The following CPAMD8 variants were observed in gnomAD, a reference collection of about 807,000 sequenced individuals.
The protein encoded by CPAMD8 is C3 and PZP-like alpha-2-macroglobulin domain-containing protein 8.
CPAMD8 carries 146 observed loss-of-function variants against 224.7 expected under a neutral mutation model. That is an observed-to-expected ratio of 0.65 (90% CI 0.57 to 0.75). The LOEUF is 0.75. Among genes scored for constraint, CPAMD8 ranks in the 30% least tolerant of loss-of-function variants. The probability of loss-of-function intolerance (pLI) is 0.00; values close to 1 mark genes in which losing one functional copy is unlikely to be tolerated. For synonymous variants in CPAMD8, 966 were observed against 1,044.6 expected (o/e 0.92, Z 1.45); for missense variants, 2,301 against 2,537.5 (o/e 0.91, Z 2.00).
At chr19:16,926,304 C>A (rs950761389) in intron 25 of CPAMD8, among the ~76,000 whole-genome samples, 1 of 150,448 alleles carries the variant, frequency 6.6e-6, no homozygotes, top group Non-Finnish European at 1.5e-5. Flanking sequence ...TTCTTTCCTT[C>A]TTTATTTTAT....
chr19:17,026,420 A>C, intron 1 of CPAMD8, 131 bp downstream of exon 1: 1 of 1,032,254 alleles, frequency 9.7e-7, no homozygotes, highest in Non-Finnish European at 1.3e-6. Context: ...CGATTCGGGA[A>C]CAAGAGGCCA....
chr19:16,943,104 C>T (rs1263652822), intron 22 of CPAMD8, among the ~76,000 whole-genome samples: 1 of 151,150 alleles, frequency 6.6e-6, no homozygotes, highest in East Asian at 1.9e-4. Flanking sequence ...TAACTCTCAC[C>T]TCCTGGACTC....
At chr19:16,913,110 G>A (rs2052791196) in intron 29 of CPAMD8, among the ~76,000 whole-genome samples, 1 of 152,074 alleles carries the variant, frequency 6.6e-6, no homozygotes, top group South Asian at 2.1e-4. Context: ...CATCCTGGGT[G>A]CTGTCCATTC....
intron 22 of CPAMD8, among the ~76,000 whole-genome samples, chr19:16,942,606 A>G (rs1438495783): frequency 1.3e-5 from 2 of 152,336 alleles, no homozygotes; most frequent in African/African-American, 4.8e-5. Flanking sequence ...GCACAAATCC[A>G]GGGGCCCCTC....
chr19:16,932,237 T>C (rs2053566757), intron 23 of CPAMD8, among the ~76,000 whole-genome samples: 1 of 151,848 alleles, frequency 6.6e-6, no homozygotes, highest in African/African-American at 2.4e-5. Flanking sequence ...CTGGGCAACA[T>C]GGCGAAACCC....
rs780349549 is a variant in CPAMD8, at chr19:16,980,653, T to C, written c.1429A>G (p.Thr477Ala). The change falls in exon 14 of 42, where the codon ACA becomes GCA. Residue 477 changes from threonine (T) to alanine (A), a missense_variant. Thr to Ala is a moderately conservative substitution (Grantham distance 58, BLOSUM62 0). Around this residue, in one of 4 missense-constraint regions of CPAMD8, gnomAD observed 301 missense variants for 406.6 expected, o/e 0.74. Transcript: ENST00000443236. Reference protein sequence around the residue: ...GEEAYFSVKSTCPCNFTLYYE... With the variant: ...GEEAYFSVKSACPCNFTLYYE... Reference sequence around the variant, plus strand: ...TACAGGGTAAAGTTGCAGGGACATGTGGACTTCACAGAAAAATAGGCTTCT... The same window carrying C: ...TACAGGGTAAAGTTGCAGGGACATGCGGACTTCACAGAAAAATAGGCTTCT... The C allele has an allele frequency of 5.7e-6, 9 of 1,567,558 alleles. No individual in the cohort carries two copies. The highest frequency in any genetic ancestry group is 7.8e-6 in the Non-Finnish European group (9 of 1,158,390).
At chr19:16,943,682 T>G in intron 22 of CPAMD8, among the ~76,000 whole-genome samples, 1 of 152,210 alleles carries the variant, frequency 6.6e-6, no homozygotes, top group African/African-American at 2.4e-5. Flanking sequence ...AAATAGAAAG[T>G]GTATCCCTGA....
intron 41 of CPAMD8, chr19:16,894,921 AACACACACACACACAC>A (rs3032709): frequency 2.6e-5 from 4 of 151,600 alleles, no homozygotes; most frequent in African/African-American, 2.8e-5. Flanking sequence ...CCATCTCTAC[AACACACACACACACAC>A]ACACACACAC....
At position 17,000,391 on chromosome 19, in the gene CPAMD8, T is replaced by C; in HGVS notation, c.867+23A>G. The C allele has an allele frequency of 4.3e-6, 4 of 928,310 alleles. No individual in the cohort carries two copies. In the South Asian group the frequency reaches 5.2e-5, roughly 12 times the overall value. 57.5% of individuals were successfully genotyped at this position (928,310 alleles called of 1,614,324 possible). A position where few individuals can be genotyped will look rare whatever the true frequency, so the allele number is the denominator to read the frequency against. Reference sequence around the variant, plus strand: ...TGAACCTGGGGGTTGGGTCAGGGGGTAGAAGGGGTCCCTGTTTCTCACCTT... The same window carrying C: ...TGAACCTGGGGGTTGGGTCAGGGGGCAGAAGGGGTCCCTGTTTCTCACCTT... On this transcript the variant is annotated intron_variant, in intron 10 of 41. Transcript: ENST00000443236.
At position 16,997,179 on chromosome 19, in the gene CPAMD8, G is replaced by C. The variant is rs550119783; in HGVS notation, c.1027C>G (p.Leu343Val). The C allele has an allele frequency of 6.9e-6, 11 of 1,591,564 alleles. No homozygotes were observed. In the African/African-American group the frequency reaches 1.3e-4, roughly 19 times the overall value. Residue 343 changes from leucine to valine, a missense_variant, in exon 11 of 42, where the codon CTG (leucine) becomes GTG (valine). Leu to Val is a conservative substitution (Grantham distance 32). Transcript: ENST00000443236. ...FDDSTPVQRQ[L>V]VDIRYSKDTR... ...TCCTTGGAGTACCGGATGTCCACCA[G>C]CTGCCTCTGCACGGGGGTGGAGTCA...
At chr19:17,014,379 G>A (rs1230180666) in intron 3 of CPAMD8, among the ~76,000 whole-genome samples, 1 of 150,906 alleles carries the variant, frequency 6.6e-6, no homozygotes, top group Non-Finnish European at 1.5e-5. Context: ...TTTTTTTTAA[G>A]CAGATGGGCA....
chr19:17,008,267 G>A (rs980282857), intron 7 of CPAMD8, among the ~76,000 whole-genome samples: 1 of 152,214 alleles, frequency 6.6e-6, no homozygotes, highest in African/African-American at 2.4e-5. Flanking sequence ...ATAGAGAAAC[G>A]TGGGCAGAGG....
chr19:16,966,046 C>T (rs2054817032), intron 18 of CPAMD8, among the ~76,000 whole-genome samples: 2 of 152,260 alleles, frequency 1.3e-5, no homozygotes, highest in African/African-American at 4.8e-5. Flanking sequence ...CAATCCTAAG[C>T]AAAAAGAACA....
At chr19:16,948,012 T>G (rs568493125) in intron 20 of CPAMD8, among the ~76,000 whole-genome samples, 1 of 152,320 alleles carries the variant, frequency 6.6e-6, no homozygotes, top group East Asian at 1.9e-4. Flanking sequence ...ATGACTTGTG[T>G]GGGTGCATCA....
At chr19:16,974,076 C>G (rs1320786396) in intron 17 of CPAMD8, among the ~76,000 whole-genome samples, 1 of 150,962 alleles carries the variant, frequency 6.6e-6, no homozygotes, top group African/African-American at 2.4e-5. Context: ...GATCCGCCCA[C>G]CTCAGCCTCC....
chr19:16,962,330 CAT>C (rs1383628261), intron 18 of CPAMD8, among the ~76,000 whole-genome samples: 1 of 152,130 alleles, frequency 6.6e-6, no homozygotes, highest in East Asian at 1.9e-4. Flanking sequence ...GAATAAACAG[CAT>C]AGAGAAGAAC....
intron 30 of CPAMD8, among the ~76,000 whole-genome samples, chr19:16,906,371 TTTCTTTCTTTC>T (rs1177300799): frequency 1.5e-5 from 1 of 65,622 alleles, no homozygotes; most frequent in African/African-American, 4.7e-5. Context: ...TCTTTCTTTC[TTTCTTTCTTTC>T]TTTCTTTCTT....
In CPAMD8 at chr19:16,899,595, T is replaced by TTCC; in HGVS notation, c.4774-49_4774-47dup. 1 of 905,686 alleles carries TTCC rather than the reference T, an allele frequency of 1.1e-6. No homozygotes were observed. The allele number at this position is 905,686 out of a possible 1,614,324, so 56.1% of individuals were successfully genotyped here. ...CAGGGTCCTCAGACTCTCTACTTGC[T>TTCC]TCCTCTCCCATCCCCTGGGGGCAGT... On this transcript the variant is annotated intron_variant, in intron 36 of 41. Coordinates refer to ENST00000443236, the MANE Select transcript of CPAMD8 (RefSeq NM_015692.5). The surrounding 1 kb of genome is among the most constrained non-coding windows in gnomAD (Gnocchi z 5.4).
intron 12 of CPAMD8, among the ~76,000 whole-genome samples, chr19:16,990,863 C>CAAAAAAAAAAAA (rs3067791): frequency 0.02 from 1,495 of 73,056 alleles, 83 homozygotes; most frequent in Non-Finnish European, 0.028. Context: ...AACTCTGTCT[C>CAAAAAAAAAAAA]AAAAAAAAAA....
Sources: gnomAD v4.1 joint callset for allele counts (sites outside exome capture counted in the v4.1 genomes callset) on GRCh38, gnomAD v4.1.1 for gene constraint, gnomAD v4.1.1 regional missense constraint, Gnocchi (gnomAD v3.1) non-coding constraint, MANE v1.5 for transcripts, NCBI Gene and HGNC (gene_info 2026-07-23, HGNC 2026-07-21) for gene names.